CROCC2: variants seen among roughly 807,000 people sequenced by gnomAD.
CROCC2 encodes the protein ciliary rootlet coiled-coil protein 2.
A neutral mutation model predicts 177.6 loss-of-function variants in CROCC2; 163 were observed. The ratio of observed to expected loss-of-function variants is 0.92; its 90% CI spans 0.81 to 1.05. CROCC2 has a LOEUF of 1.05. Among genes scored for constraint, CROCC2 ranks in the 50% least tolerant of loss-of-function variants. CROCC2 has a pLI of 0.00. For missense variants in CROCC2, 1,929 were observed against 1,797.8 expected (o/e 1.07, Z -1.32); for synonymous variants, 904 against 787.3 (o/e 1.15, Z -2.48).
At chr2:240,915,807 C>T (rs1203703756) in intron 1 of CROCC2, among the ~76,000 whole-genome samples, 1 of 152,082 alleles carries the variant, frequency 6.6e-6, no homozygotes, top group East Asian at 1.9e-4. Flanking sequence ...TCCCTGGGGT[C>T]TTTAATGCAG....
At chr2:240,925,173 T>C (rs2059387662) in intron 4 of CROCC2, among the ~76,000 whole-genome samples, 1 of 152,110 alleles carries the variant, frequency 6.6e-6, no homozygotes, top group Admixed American at 6.5e-5. Context: ...AAAACCAGTT[T>C]TGAGGGGGAA....
intron 2 of CROCC2, 55 bp from the exon 3 acceptor site, chr2:240,919,928 C>T: frequency 5.8e-6 from 4 of 689,300 alleles, no homozygotes; most frequent in Non-Finnish European, 1.1e-5. Flanking sequence ...GGGCACAAGG[C>T]TGAGTGTGGG....
intron 5 of CROCC2, among the ~76,000 whole-genome samples, 155 bp from the exon 6 acceptor site, chr2:240,930,011 G>A (rs984874178): frequency 2.0e-5 from 3 of 152,224 alleles, no homozygotes; most frequent in Non-Finnish European, 4.4e-5. Context: ...GGTTGGGGGA[G>A]CCCAGGGCTC....
chr2:240,919,392 C>G (rs1257671799), intron 2 of CROCC2, among the ~76,000 whole-genome samples: 1 of 152,138 alleles, frequency 6.6e-6, no homozygotes, highest in African/African-American at 2.4e-5. Context: ...AGACGCCCAC[C>G]CCCCTGGGCT....
In CROCC2 at chr2:240,953,617, T is replaced by C. The variant is rs2059570926; in HGVS notation, c.2830-2242T>C. 6.6e-6 allele frequency among the ~76,000 whole-genome samples: 1 copy of C among 152,140 alleles called. No homozygotes were observed. Among genetic ancestry groups the C allele is most frequent in the Non-Finnish European group, 1.5e-5 (1 of 68,012 alleles). ...CCTCTGCTTGGCCAGCTGCCCTTTATTCTTGGCGGCCTGTGTAGAGAAATT... is the reference window on the plus strand; with the variant it reads ...CCTCTGCTTGGCCAGCTGCCCTTTACTCTTGGCGGCCTGTGTAGAGAAATT... On this transcript the variant is annotated intron_variant, in intron 18 of 31. Transcript: ENST00000690015. This position sits in a 1 kb window ranked among gnomAD's most constrained non-coding sequence, Gnocchi z 4.0.
chr2:240,935,679 C>A, intron 14 of CROCC2, 91 bp downstream of exon 14: 1 of 952,672 alleles, frequency 1.0e-6, no homozygotes, highest in Non-Finnish European at 1.4e-6. Flanking sequence ...CAGGCAGGCT[C>A]AGGATGCCCA....
intron 27 of CROCC2, among the ~76,000 whole-genome samples, chr2:240,975,422 T>C (rs1369359943): frequency 2.0e-5 from 3 of 152,214 alleles, no homozygotes; most frequent in Non-Finnish European, 4.4e-5. Flanking sequence ...AGCTCGCCAG[T>C]GCAGGGAGAC....
At position 240,986,067 on chromosome 2, in the gene CROCC2, G is replaced by C. The variant is rs542621509; in HGVS notation, c.4552-2672G>C. ...GTGGCTCTCCAGGGCTTCAGGGCTG[G>C]ACACTGCCCTTTCTACAGCATGCGT... On this transcript the variant is annotated intron_variant, in intron 28 of 31. Transcript: ENST00000690015. 229 of 415,462 alleles carry C rather than the reference G, an allele frequency of 5.5e-4. 1 individual carries two copies. The highest frequency in any genetic ancestry group is 4.2e-3 in the African/African-American group (204 of 49,122). 25.7% of individuals were successfully genotyped at this position (415,462 alleles called of 1,614,324 possible).
At position 240,953,480 on chromosome 2, in the gene CROCC2, C is replaced by T. The variant is rs763586252; in HGVS notation, c.2830-2379C>T. ...GACAGACACCATGTGCTAGTGCCCTCCCTCCCCTGGACCCACAGCAGAACC... is the reference window on the plus strand; with the variant it reads ...GACAGACACCATGTGCTAGTGCCCTTCCTCCCCTGGACCCACAGCAGAACC... On this transcript the variant is annotated intron_variant, in intron 18 of 31. Coordinates refer to ENST00000690015, the MANE Select transcript of CROCC2 (RefSeq NM_001351305.2). The surrounding 1 kb of genome is among the most constrained non-coding windows in gnomAD (Gnocchi z 4.0). Among the ~76,000 whole-genome samples the T allele has an allele frequency of 2.0e-4, 31 of 152,090 alleles. No individual in the cohort carries two copies. Among genetic ancestry groups the T allele is most frequent in the Non-Finnish European group, 3.7e-4 (25 of 68,016 alleles).
chr2:240,988,137 C>T (rs751961203), intron 28 of CROCC2, among the ~76,000 whole-genome samples: 1 of 152,202 alleles, frequency 6.6e-6, no homozygotes, highest in African/African-American at 2.4e-5. Context: ...GATTTTTAAC[C>T]TGGAGCTTAT....
rs1205783255 is a variant in CROCC2, at chr2:240,963,619, C to T, written c.3151C>T (p.Leu1051=). ...QEGLAALRQE[L]QGVEESREGL... ...GGGACTGGCCGCACTGCGCCAGGAGCTGCAGGGCGTCGAGGAGAGCCGGGA... is the reference window on the plus strand; with the variant it reads ...GGGACTGGCCGCACTGCGCCAGGAGTTGCAGGGCGTCGAGGAGAGCCGGGA... Residue 1051 remains leucine (L), a synonymous_variant, in exon 21 of 32, where the codon CTG becomes TTG. Coordinates refer to ENST00000690015, the MANE Select transcript of CROCC2 (RefSeq NM_001351305.2). The T allele has an allele frequency of 6.5e-7, 1 of 1,548,770 alleles. No homozygotes were observed. The highest frequency in any genetic ancestry group is 8.7e-7 in the Non-Finnish European group (1 of 1,146,550).
At chr2:240,932,292 C>A in intron 7 of CROCC2, 26 bp from the exon 8 acceptor site, 1 of 703,364 alleles carries the variant, frequency 1.4e-6, no homozygotes, top group Non-Finnish European at 2.7e-6. Context: ...CTGCCCTTCA[C>A]CCCCACACCC....
chr2:240,956,060 C>A, intron 19 of CROCC2, 88 bp downstream of exon 19: 1 of 949,022 alleles, frequency 1.1e-6, no homozygotes, highest in Non-Finnish European at 1.6e-6. Context: ...GTCCCAGTGG[C>A]ATGACCCTCT....
chr2:240,988,393 C>A (rs2059854605), intron 28 of CROCC2, among the ~76,000 whole-genome samples: 1 of 152,172 alleles, frequency 6.6e-6, no homozygotes, highest in Non-Finnish European at 1.5e-5. Context: ...CTCATGAGAC[C>A]TGGAGGAACA....
At position 240,917,007 on chromosome 2, in the gene CROCC2, T is replaced by C. The variant is rs1002331668; in HGVS notation, c.79-1719T>C. 7.2e-5 allele frequency among the ~76,000 whole-genome samples: 11 copies of C among 151,872 alleles called. No individual in the cohort carries two copies. Among genetic ancestry groups the C allele is most frequent in the African/African-American group, 2.7e-4 (11 of 41,340 alleles). ...CCAGGAGGAGGAGCAGGGACTTCCC[T>C]CCCCCTCCCCCACTGGGCTGCTGCT... On this transcript the variant is annotated intron_variant, in intron 1 of 31. Coordinates refer to ENST00000690015, the MANE Select transcript of CROCC2 (RefSeq NM_001351305.2). This position sits in a 1 kb window ranked among gnomAD's most constrained non-coding sequence, Gnocchi z 4.9.
chr2:240,963,866 G>A, intron 21 of CROCC2, 93 bp downstream of exon 21: 3 of 1,347,442 alleles, frequency 2.2e-6, no homozygotes, highest in Non-Finnish European at 3.1e-6. Flanking sequence ...CTAGGCAGGG[G>A]CGTCCTGTTG....
intron 28 of CROCC2, among the ~76,000 whole-genome samples, chr2:240,988,200 C>A (rs1055004598): frequency 1.3e-5 from 2 of 152,172 alleles, no homozygotes; most frequent in Non-Finnish European, 2.9e-5. Context: ...GGAGGGAGCA[C>A]ATTGGGGCAG....
intron 28 of CROCC2, among the ~76,000 whole-genome samples, chr2:240,987,680 T>C (rs1020912521): frequency 1.3e-5 from 2 of 152,200 alleles, no homozygotes; most frequent in Non-Finnish European, 2.9e-5. Flanking sequence ...TGCTGCCCAA[T>C]CCTGGGCCAG....
chr2:240,936,924 G>A (rs900006658), intron 14 of CROCC2, among the ~76,000 whole-genome samples: 15 of 152,136 alleles, frequency 9.9e-5, no homozygotes, highest in African/African-American at 2.2e-4. Context: ...GACTGATATG[G>A]GACTGTGATG....
Sources: allele counts gnomAD v4.1 joint callset (sites outside exome capture counted in the v4.1 genomes callset), GRCh38; gene constraint gnomAD v4.1.1; non-coding constraint Gnocchi (gnomAD v3.1); transcripts MANE v1.5; gene names NCBI Gene and HGNC (gene_info 2026-07-23, HGNC 2026-07-21).